The following CCDC102B variants were observed in gnomAD, a reference collection of about 807,000 sequenced individuals.
The protein encoded by CCDC102B is coiled-coil domain-containing protein 102B.
Under a neutral mutation model 57.4 loss-of-function variants are expected in CCDC102B, and 75 were observed. That is an observed-to-expected ratio of 1.31 (90% CI 1.08 to 1.58). The LOEUF (loss-of-function observed/expected upper bound fraction) is 1.58. Among genes scored for constraint, CCDC102B ranks in the 40% most tolerant of loss-of-function variants. CCDC102B has a pLI of 0.00. For missense variants in CCDC102B, 636 were observed against 582.6 expected, an observed-to-expected ratio of 1.09 and a Z score of -0.94; for synonymous variants, 206 against 201.9, an observed-to-expected ratio of 1.02 and a Z score of -0.17.
intron 6 of CCDC102B, among the ~76,000 whole-genome samples, chr18:69,006,391 A>AGATTGATT (rs1341833771): frequency 1.6e-4 from 22 of 133,662 alleles, no homozygotes; most frequent in African/African-American, 5.9e-4. Flanking sequence ...CATAGCTTTG[A>AGATTGATT]GATTTATTTA....
At position 68,779,812 on chromosome 18, in the gene CCDC102B, T is replaced by G. The variant is rs117296687; in HGVS notation, c.-66-43554T>G. Among the ~76,000 whole-genome samples, 274 of 152,214 alleles carry G rather than the reference T, an allele frequency of 1.8e-3. 3 individuals are homozygous for G. In the East Asian group the frequency reaches 0.043, roughly 24 times the overall value. ...TTAGGCAAACTTGCTGCCTCACACATGGGTTGATTTTTTAAAAAGAAAACA... is the reference window on the plus strand; with the variant it reads ...TTAGGCAAACTTGCTGCCTCACACAGGGGTTGATTTTTTAAAAAGAAAACA... On this transcript the variant is annotated intron_variant, in intron 2 of 3. Coordinates refer to the CCDC102B transcript ENST00000578970.
intron 7 of CCDC102B, among the ~76,000 whole-genome samples, chr18:69,048,641 A>G (rs2052624048): frequency 1.3e-5 from 2 of 152,108 alleles, no homozygotes; most frequent in Non-Finnish European, 2.9e-5. Flanking sequence ...TTATTAACAA[A>G]ATGTTCATTC....
At chr18:68,771,871 C>CACACAT (rs762806093) in intron 2 of CCDC102B, among the ~76,000 whole-genome samples, 1 of 143,570 alleles carries the variant, frequency 7.0e-6, no homozygotes. Context: ...CTCTGAAATA[C>CACACAT]ACACACACAC....
At chr18:68,898,216 G>A (rs118036520) in intron 6 of CCDC102B, among the ~76,000 whole-genome samples, 1,788 of 151,998 alleles carry the variant, frequency 0.012, 38 homozygotes, top group East Asian at 0.081. Context: ...TTCTCACTCA[G>A]TTTCTTTAAC....
At chr18:69,025,222 C>G (rs1055998421) in intron 7 of CCDC102B, among the ~76,000 whole-genome samples, 1 of 152,104 alleles carries the variant, frequency 6.6e-6, no homozygotes, top group African/African-American at 2.4e-5. Context: ...TATATGTACA[C>G]TAATTTATTT....
At chr18:69,056,706 TAGATAG>T (rs138558347), downstream of CCDC102B, among the ~76,000 whole-genome samples, 4,547 of 138,838 alleles carry the variant, frequency 0.033, 148 homozygotes, top group East Asian at 0.17. Context: ...ATAGATACAT[TAGATAG>T]AGATAGAGAC....
intron 6 of CCDC102B, among the ~76,000 whole-genome samples, chr18:68,924,976 C>T (rs1329825854): frequency 6.6e-6 from 1 of 152,012 alleles, no homozygotes; most frequent in Non-Finnish European, 1.5e-5. Flanking sequence ...CTGCATCTCT[C>T]ACAAGTTCCC....
intron 7 of CCDC102B, among the ~76,000 whole-genome samples, chr18:69,011,998 A>T (rs958377271): frequency 2.6e-5 from 4 of 152,184 alleles, no homozygotes; most frequent in Non-Finnish European, 4.4e-5. Context: ...ATAATATTAT[A>T]TGGAAACAGA....
chr18:68,978,869 A>G (rs912676146), intron 6 of CCDC102B, among the ~76,000 whole-genome samples: 1 of 152,102 alleles, frequency 6.6e-6, no homozygotes, highest in African/African-American at 2.4e-5. Flanking sequence ...TGTATTTGTA[A>G]TATATGTCTA....
chr18:68,854,556 G>C (rs998715688), intron 4 of CCDC102B, among the ~76,000 whole-genome samples: 3 of 152,066 alleles, frequency 2.0e-5, no homozygotes, highest in Non-Finnish European at 4.4e-5. Flanking sequence ...AATTCTGTAT[G>C]TTCTAAAAAC....
intron 2 of CCDC102B, among the ~76,000 whole-genome samples, chr18:68,780,433 A>G (rs2034968275): frequency 6.7e-6 from 1 of 149,020 alleles, no homozygotes; most frequent in Non-Finnish European, 1.5e-5. Flanking sequence ...TCCCATCAAT[A>G]TGTAAGGATT....
intron 7 of CCDC102B, among the ~76,000 whole-genome samples, chr18:69,011,879 C>A (rs936200464): frequency 1.3e-5 from 2 of 152,004 alleles, no homozygotes; most frequent in African/African-American, 4.8e-5. Context: ...AAATAAGCAG[C>A]TGAATTATTT....
chr18:69,024,293 C>A (rs2051925333), intron 7 of CCDC102B, among the ~76,000 whole-genome samples: 1 of 152,006 alleles, frequency 6.6e-6, no homozygotes, highest in South Asian at 2.1e-4. Flanking sequence ...GTAGAAAGTG[C>A]AATCATTTTT....
At chr18:68,993,479 T>C (rs1295642507) in intron 6 of CCDC102B, 1 of 152,256 alleles carries the variant, frequency 6.6e-6, no homozygotes, top group African/African-American at 2.4e-5. Flanking sequence ...GTAATAAAGA[T>C]ACACAGTGCT....
intron 2 of CCDC102B, among the ~76,000 whole-genome samples, chr18:68,756,880 GGTGTGT>G (rs34070734): frequency 1.3e-5 from 2 of 150,240 alleles, no homozygotes; most frequent in African/African-American, 2.4e-5. Context: ...TGCTATATCT[GGTGTGT>G]GTGTGTGTGT....
chr18:68,857,054 TA>T (rs1365444726), intron 4 of CCDC102B, among the ~76,000 whole-genome samples: 7 of 124,374 alleles, frequency 5.6e-5, no homozygotes, highest in Admixed American at 2.0e-4. Flanking sequence ...ATATAATATA[TA>T]AATATATTTT....
intron 2 of CCDC102B, among the ~76,000 whole-genome samples, chr18:68,784,466 A>G (rs1198833441): frequency 6.6e-6 from 1 of 152,096 alleles, no homozygotes; most frequent in Non-Finnish European, 1.5e-5. Flanking sequence ...AACACTGGGG[A>G]TTACAATTCG....
At chr18:68,824,807 G>T (rs140625868) in intron 1 of CCDC102B, among the ~76,000 whole-genome samples, 2 of 152,146 alleles carry the variant, frequency 1.3e-5, no homozygotes, top group Admixed American at 6.6e-5. Context: ...AAAAAAATGT[G>T]TAATAATAAC....
At chr18:68,784,809 G>A (rs1234379461) in intron 2 of CCDC102B, among the ~76,000 whole-genome samples, 1 of 151,772 alleles carries the variant, frequency 6.6e-6, no homozygotes, top group Non-Finnish European at 1.5e-5. Flanking sequence ...CATAGATTAT[G>A]CTATCAGCAT....
Sources: allele counts gnomAD v4.1 joint callset (sites outside exome capture counted in the v4.1 genomes callset), GRCh38; gene constraint gnomAD v4.1.1; transcripts MANE v1.5; gene names NCBI Gene and HGNC (gene_info 2026-07-23, HGNC 2026-07-21).